The following PRR16 variants were observed in gnomAD, a reference collection of about 807,000 sequenced individuals.
PRR16 encodes protein Largen.
A neutral mutation model predicts 18.2 loss-of-function variants in PRR16; 6 were observed. The ratio of observed to expected loss-of-function variants is 0.33; its 90% confidence interval spans 0.18 to 0.65. PRR16 has a LOEUF of 0.65. Ranked by LOEUF, PRR16 falls within the 30% of genes least tolerant of loss-of-function variation. The probability of loss-of-function intolerance (pLI) is 0.74; values close to 1 mark genes in which losing one functional copy is unlikely to be tolerated. For synonymous variants in PRR16, 151 were observed against 147.8 expected, an observed-to-expected ratio of 1.02 and a Z score of -0.16; for missense variants, 412 against 376.6, an observed-to-expected ratio of 1.09 and a Z score of -0.78.
chr5:120,698,141 T>C, the PRR16 span, among the ~76,000 whole-genome samples: 3 of 152,036 alleles, frequency 2.0e-5, no homozygotes, highest in African/African-American at 7.3e-5. Context: ...GAATGGCCGA[T>C]GTTTCTCAGG....
chr5:120,687,480 C>A (rs1757159474), downstream of PRR16: 1 of 152,168 alleles, frequency 6.6e-6, no homozygotes, highest in Non-Finnish European at 1.5e-5. Flanking sequence ...CTACACACTA[C>A]ATATTTTATA....
At chr5:120,545,280 A>C (rs1350606814) in intron 1 of PRR16, among the ~76,000 whole-genome samples, 1 of 152,148 alleles carries the variant, frequency 6.6e-6, no homozygotes, top group Non-Finnish European at 1.5e-5. Context: ...TTCGTTAGAT[A>C]ATAATTATAC....
At position 120,495,947 on chromosome 5, in the gene PRR16, T is replaced by G. The variant is rs1011374713; in HGVS notation, c.159+31302T>G. ...ATTAAAATTAAATTATTAGCTGTAGTTTTTTTTTGTAGATGCTCTGTGTCA... is the reference window on the plus strand; with the variant it reads ...ATTAAAATTAAATTATTAGCTGTAGGTTTTTTTTGTAGATGCTCTGTGTCA... On this transcript the variant is annotated intron_variant, in intron 1 of 1. Coordinates refer to ENST00000407149, the MANE Select transcript of PRR16 (RefSeq NM_001300783.2). Among the ~76,000 whole-genome samples, 4 of 151,096 alleles carry G rather than the reference T, an allele frequency of 2.6e-5. No individual in the cohort carries two copies. The South Asian group carries it at 8.3e-4, about 31-fold the overall frequency.
chr5:120,476,263 C>G (rs985383852), intron 1 of PRR16, among the ~76,000 whole-genome samples: 4 of 152,152 alleles, frequency 2.6e-5, no homozygotes, highest in Admixed American at 6.6e-5. Context: ...ATCCAGTGGT[C>G]CCGTCTTTCC....
intron 1 of PRR16, among the ~76,000 whole-genome samples, chr5:120,507,484 A>G (rs1313487671): frequency 6.6e-6 from 1 of 152,108 alleles, no homozygotes; most frequent in Non-Finnish European, 1.5e-5. Flanking sequence ...CAGATGGAGT[A>G]CCTCATCAAT....
At chr5:120,756,982 GT>G in the PRR16 span, among the ~76,000 whole-genome samples, 3 of 152,066 alleles carry the variant, frequency 2.0e-5, no homozygotes, top group South Asian at 6.2e-4. Context: ...AGTTAATTTA[GT>G]TTTTGTATAT....
intron 1 of PRR16, among the ~76,000 whole-genome samples, chr5:120,471,149 A>G (rs994887670): frequency 1.3e-5 from 2 of 152,156 alleles, no homozygotes; most frequent in Admixed American, 6.5e-5. Context: ...GGTTGCAGAA[A>G]ACAGTATTGA....
the PRR16 span, among the ~76,000 whole-genome samples, chr5:120,768,668 AAAAT>A: frequency 6.6e-6 from 1 of 151,818 alleles, no homozygotes; most frequent in Non-Finnish European, 1.5e-5. Flanking sequence ...ATTTTGAAAA[AAAAT>A]AAATGGTTGC....
chr5:120,766,402 G>A, the PRR16 span, among the ~76,000 whole-genome samples: 1 of 151,924 alleles, frequency 6.6e-6, no homozygotes, highest in Non-Finnish European at 1.5e-5. Flanking sequence ...TTCATCCAAT[G>A]TGAACCCTCT....
chr5:120,676,776 A>G (rs1756813769), intron 1 of PRR16, among the ~76,000 whole-genome samples: 1 of 152,124 alleles, frequency 6.6e-6, no homozygotes, highest in Admixed American at 6.6e-5. Flanking sequence ...TAGAAGTCCA[A>G]AGACAGGCCC....
chr5:120,532,923 GAC>G (rs1314606188), intron 1 of PRR16, among the ~76,000 whole-genome samples: 1 of 152,118 alleles, frequency 6.6e-6, no homozygotes. Flanking sequence ...AGAATGAGTG[GAC>G]CTGGGTAATG....
intron 1 of PRR16, among the ~76,000 whole-genome samples, chr5:120,663,195 A>T (rs888567322): frequency 1.3e-5 from 2 of 150,164 alleles, no homozygotes; most frequent in Admixed American, 6.6e-5. Context: ...CCAAGTCAAG[A>T]TAAAACCCCC....
At chr5:120,520,172 G>T (rs1487501502) in intron 1 of PRR16, among the ~76,000 whole-genome samples, 1 of 152,148 alleles carries the variant, frequency 6.6e-6, no homozygotes, top group Non-Finnish European at 1.5e-5. Context: ...AAGGCGGGTG[G>T]ATCACTTGAT....
chr5:120,535,878 G>T (rs1751701662), intron 1 of PRR16, among the ~76,000 whole-genome samples: 1 of 152,258 alleles, frequency 6.6e-6, no homozygotes, highest in African/African-American at 2.4e-5. Context: ...CGAGACAAGA[G>T]GATGTCTTGA....
intron 1 of PRR16, among the ~76,000 whole-genome samples, chr5:120,500,563 A>T (rs72788224): frequency 0.023 from 3,537 of 152,352 alleles, 53 homozygotes; most frequent in East Asian, 0.033. Flanking sequence ...CTAAAAAATA[A>T]AATTTTGCCT....
intron 1 of PRR16, among the ~76,000 whole-genome samples, chr5:120,498,428 A>G (rs1222813885): frequency 6.6e-6 from 1 of 150,888 alleles, no homozygotes; most frequent in African/African-American, 2.4e-5. Context: ...TGAAGTATGG[A>G]AACCTTAAAA....
At chr5:120,763,715 T>G in the PRR16 span, among the ~76,000 whole-genome samples, 1 of 151,664 alleles carries the variant, frequency 6.6e-6, no homozygotes, top group Non-Finnish European at 1.5e-5. Flanking sequence ...TGTTCATGTC[T>G]TCTTCAATTT....
the PRR16 span, among the ~76,000 whole-genome samples, chr5:120,755,719 ATTAT>A: frequency 6.6e-6 from 1 of 152,112 alleles, no homozygotes; most frequent in Non-Finnish European, 1.5e-5. Context: ...TTCTGGTAGA[ATTAT>A]TTATTTCTTT....
At chr5:120,513,126 C>T (rs1290344150) in intron 1 of PRR16, among the ~76,000 whole-genome samples, 1 of 152,138 alleles carries the variant, frequency 6.6e-6, no homozygotes, top group African/African-American at 2.4e-5. Context: ...GTCAAGCTTT[C>T]AGCCGTCTTG....
Sources: gnomAD v4.1 joint callset for allele counts (sites outside exome capture counted in the v4.1 genomes callset) on GRCh38, gnomAD v4.1.1 for gene constraint, MANE v1.5 for transcripts, NCBI Gene and HGNC (gene_info 2026-07-23, HGNC 2026-07-21) for gene names.